The following CCDC77 variants were observed in gnomAD, a reference collection of about 807,000 sequenced individuals.
CCDC77 encodes coiled-coil domain-containing protein 77.
CCDC77 carries 56 observed loss-of-function variants against 66.8 expected under a neutral mutation model. The observed-to-expected ratio is 0.84, with a 90% CI of 0.68 to 1.05. The LOEUF (loss-of-function observed/expected upper bound fraction) is 1.05. Among genes scored for constraint, CCDC77 ranks in the 50% least tolerant of loss-of-function variants. The pLI is 0.00. For synonymous variants in CCDC77, 196 were observed against 195.2 expected, an observed-to-expected ratio of 1.00 and a Z score of -0.03; for missense variants, 570 against 576.8, an observed-to-expected ratio of 0.99 and a Z score of 0.12.
At chr12:408,781 T>A (rs1945046753) in intron 2 of CCDC77, among the ~76,000 whole-genome samples, 1 of 152,250 alleles carries the variant, frequency 6.6e-6, no homozygotes, top group Admixed American at 6.5e-5. Flanking sequence ...ACAAGGAGAC[T>A]TTTCTACTTT....
At chr12:403,107 T>C in intron 1 of CCDC77, among the ~76,000 whole-genome samples, 1 of 152,252 alleles carries the variant, frequency 6.6e-6, no homozygotes, top group South Asian at 2.1e-4. Flanking sequence ...TTGAAAGAGA[T>C]GTCGTTTATT....
At position 411,752 on chromosome 12, in the gene CCDC77, CA is replaced by C. The variant is rs1945115664; in HGVS notation, c.45del (p.Val16LeufsTer62). ...PTHTPVCRKRTVVSKRGVAVS... is the reference protein window; with the variant it reads ...PTHTPVCRKRXVVSKRGVAVS... ...TCATTTCTAATTTCACGTAGGCGAA[CA>C]GTTGTCTCCAAACGTGGTGTTGCCG... On this transcript the variant is annotated frameshift_variant, in exon 4 of 13. Transcript: ENST00000239830. LOFTEE classifies it high-confidence loss of function. The C allele has an allele frequency of 6.2e-7, 1 of 1,611,968 alleles. No homozygotes were observed. The highest frequency in any genetic ancestry group is 1.3e-5 in the African/African-American group (1 of 74,790).
intron 5 of CCDC77, among the ~76,000 whole-genome samples, chr12:428,234 C>T (rs572865959): frequency 1.7e-4 from 26 of 152,118 alleles, no homozygotes; most frequent in African/African-American, 6.0e-4. Flanking sequence ...AAGAAGTGGC[C>T]GGGCGCAGTG....
At chr12:418,767 T>G in intron 5 of CCDC77, 131 bp downstream of exon 5, 2 of 956,250 alleles carry the variant, frequency 2.1e-6, no homozygotes, top group Non-Finnish European at 1.6e-6. Context: ...TGGCGCTCTC[T>G]TGGCTCACTG....
At chr12:397,996 A>G (rs895142607), upstream of CCDC77, among the ~76,000 whole-genome samples, 3 of 152,104 alleles carry the variant, frequency 2.0e-5, no homozygotes, top group South Asian at 2.1e-4. Flanking sequence ...CCAAGTCATA[A>G]TATTTTCACT....
At chr12:406,136 C>G (rs939221449) in intron 2 of CCDC77, among the ~76,000 whole-genome samples, 1 of 152,130 alleles carries the variant, frequency 6.6e-6, no homozygotes, top group Non-Finnish European at 1.5e-5. Flanking sequence ...TCTCAAACTC[C>G]TGGACTCAAG....
At chr12:426,768 T>C (rs1199611546) in intron 5 of CCDC77, among the ~76,000 whole-genome samples, 2 of 152,152 alleles carry the variant, frequency 1.3e-5, no homozygotes, top group Non-Finnish European at 2.9e-5. Context: ...CTGGTGTCGG[T>C]GTCAGCTTAG....
chr12:390,760 C>T (rs1341290314), intron 1 of CCDC77, among the ~76,000 whole-genome samples: 2 of 151,740 alleles, frequency 1.3e-5, no homozygotes, highest in East Asian at 1.9e-4. Context: ...CACACACACA[C>T]ATCTTATTGG....
chr12:401,082 C>A (rs989068304), upstream of CCDC77, among the ~76,000 whole-genome samples: 2 of 152,154 alleles, frequency 1.3e-5, no homozygotes, highest in Admixed American at 6.6e-5. Flanking sequence ...GGATTTTGAA[C>A]TTGCTTTTAT....
intron 7 of CCDC77, among the ~76,000 whole-genome samples, chr12:431,282 G>C (rs187013053): frequency 1.0e-3 from 154 of 147,460 alleles, no homozygotes; most frequent in African/African-American, 3.7e-3. Context: ...GCAATGGCGC[G>C]ATCTTGGCTC....
At chr12:441,214 A>T (rs1463074884) in intron 12 of CCDC77, among the ~76,000 whole-genome samples, 1 of 152,214 alleles carries the variant, frequency 6.6e-6, no homozygotes, top group Non-Finnish European at 1.5e-5. Flanking sequence ...TCATACTTCG[A>T]TGTAAGCTAA....
intron 4 of CCDC77, among the ~76,000 whole-genome samples, chr12:413,957 G>T (rs926204783): frequency 1.3e-5 from 2 of 151,258 alleles, no homozygotes; most frequent in African/African-American, 4.9e-5. Context: ...GTTTCATCTC[G>T]GTCCTTGCCA....
chr12:423,470 G>GGTT (rs1945455914), intron 5 of CCDC77, among the ~76,000 whole-genome samples: 1 of 44,846 alleles, frequency 2.2e-5, no homozygotes, highest in East Asian at 1.1e-3. Flanking sequence ...TGTTTTTTGT[G>GGTT]TTTTTTGTGT....
intron 5 of CCDC77, 70 bp downstream of exon 5, chr12:418,706 C>A: frequency 6.6e-7 from 1 of 1,510,976 alleles, no homozygotes; most frequent in Non-Finnish European, 9.1e-7. Context: ...TTCATTCATT[C>A]ATTCATTGAT....
chr12:412,400 G>C (rs1192751447), intron 4 of CCDC77, among the ~76,000 whole-genome samples: 1 of 152,222 alleles, frequency 6.6e-6, no homozygotes, highest in East Asian at 1.9e-4. Context: ...TGCTCCACCT[G>C]CATAGCAAAA....
At chr12:403,270 T>G (rs1405619848) in intron 1 of CCDC77, among the ~76,000 whole-genome samples, 1 of 151,784 alleles carries the variant, frequency 6.6e-6, no homozygotes, top group Non-Finnish European at 1.5e-5. Flanking sequence ...GCCAAGGGAG[T>G]AAAATTGTCA....
chr12:426,110 G>A (rs1399839723), intron 5 of CCDC77, among the ~76,000 whole-genome samples: 4 of 152,092 alleles, frequency 2.6e-5, no homozygotes, highest in African/African-American at 9.7e-5. Flanking sequence ...TGGTCCACCC[G>A]CCTCGGCCTC....
At chr12:410,267 G>GTTTTTTTTTTTTTTTTTT (rs5795915) in intron 3 of CCDC77, among the ~76,000 whole-genome samples, 1 of 148,704 alleles carries the variant, frequency 6.7e-6, no homozygotes. Context: ...TACTATTTTT[G>GTTTTTTTTTTTTTTTTTT]TTTTTTTTTT....
intron 1 of CCDC77, among the ~76,000 whole-genome samples, chr12:389,796 C>G (rs951409717): frequency 6.6e-6 from 1 of 152,194 alleles, no homozygotes; most frequent in Non-Finnish European, 1.5e-5. Context: ...TAGCAAGTAG[C>G]CTTTCCAGCA....
Sources: allele counts gnomAD v4.1 joint callset (sites outside exome capture counted in the v4.1 genomes callset), GRCh38; gene constraint gnomAD v4.1.1; transcripts MANE v1.5; gene names NCBI Gene and HGNC (gene_info 2026-07-23, HGNC 2026-07-21).